Variants in DIP2C observed in about 807,000 individuals in gnomAD.
DIP2C encodes the protein disco-interacting protein 2 homolog C.
In DIP2C, 33 loss-of-function variants were observed where a neutral mutation model predicts 192.4. That is an observed-to-expected ratio of 0.17 (90% CI 0.13 to 0.23). DIP2C has a LOEUF of 0.23. DIP2C is among the 10% of genes least tolerant of loss of function. The pLI, the probability that DIP2C is intolerant of heterozygous loss-of-function variation, is 1.00. For missense variants in DIP2C, 1,537 were observed against 2,110.1 expected, an observed-to-expected ratio of 0.73 and a Z score of 5.32; for synonymous variants, 979 against 864.1, an observed-to-expected ratio of 1.13 and a Z score of -2.33.
At chr10:675,330 T>TA (rs752473223) in intron 1 of DIP2C, among the ~76,000 whole-genome samples, 10 of 151,368 alleles carry the variant, frequency 6.6e-5, no homozygotes, top group Admixed American at 2.0e-4. Context: ...ACTCCTACAT[T>TA]AAAAAAAAGA....
In DIP2C at chr10:286,151, C is replaced by G. The variant is rs1028135302; in HGVS notation, c.4119+122G>C. The G allele has an allele frequency of 1.6e-5, 14 of 864,686 alleles. No individual in the cohort carries two copies. The African/African-American group carries it at 2.2e-4, about 13-fold the overall frequency. 53.6% of individuals were successfully genotyped at this position (864,686 alleles called of 1,614,324 possible). A position where few individuals can be genotyped will look rare whatever the true frequency, so the allele number is the denominator to read the frequency against. Reference sequence around the variant, plus strand: ...CACGCTATTTCCCAGGCAATCATAACTCACTCAGCTCAAACCGGTGTGTGG... The same window carrying G: ...CACGCTATTTCCCAGGCAATCATAAGTCACTCAGCTCAAACCGGTGTGTGG... On this transcript the variant is annotated intron_variant, in intron 34 of 36. Transcript: ENST00000280886.
At chr10:595,101 G>C (rs1285186395) in intron 1 of DIP2C, among the ~76,000 whole-genome samples, 1 of 152,210 alleles carries the variant, frequency 6.6e-6, no homozygotes, top group Non-Finnish European at 1.5e-5. Flanking sequence ...GGGCACTCGG[G>C]ACAAGAGGTA....
intron 1 of DIP2C, among the ~76,000 whole-genome samples, chr10:638,322 A>G (rs1466817532): frequency 5.3e-5 from 8 of 152,238 alleles, no homozygotes; most frequent in African/African-American, 1.9e-4. Flanking sequence ...TGAATTTTTA[A>G]AATTTATGAA....
At chr10:616,052 G>T (rs922738062) in intron 1 of DIP2C, among the ~76,000 whole-genome samples, 3 of 152,168 alleles carry the variant, frequency 2.0e-5, no homozygotes, top group Non-Finnish European at 4.4e-5. Flanking sequence ...GCTGAGAAAG[G>T]CTGGGGCAGA....
At chr10:512,236 G>GT (rs1846064408) in intron 1 of DIP2C, among the ~76,000 whole-genome samples, 1 of 152,078 alleles carries the variant, frequency 6.6e-6, no homozygotes. Flanking sequence ...AGGTTGAAGC[G>GT]TTTTTTAAAG....
At chr10:388,901 G>A (rs753688222) in intron 13 of DIP2C, among the ~76,000 whole-genome samples, 10 of 152,140 alleles carry the variant, frequency 6.6e-5, no homozygotes, top group African/African-American at 1.4e-4. Context: ...GGGGGTCTCC[G>A]GAGGGGGTCT....
chr10:337,261 T>C (rs62638887), intron 29 of DIP2C, among the ~76,000 whole-genome samples: 28 of 3,866 alleles, frequency 7.2e-3, no homozygotes, highest in Admixed American at 0.01. Context: ...TGTGGAGGCC[T>C]AGGCTGATGT....
chr10:686,747 A>G (rs1257967480), intron 1 of DIP2C, among the ~76,000 whole-genome samples: 1 of 152,250 alleles, frequency 6.6e-6, no homozygotes, highest in Non-Finnish European at 1.5e-5. Context: ...CAGTGGAAGA[A>G]GGATGGAGCC....
chr10:331,309 A>G (rs1029571878), intron 29 of DIP2C, among the ~76,000 whole-genome samples: 2 of 152,084 alleles, frequency 1.3e-5, no homozygotes, highest in Admixed American at 1.3e-4. Flanking sequence ...TTCAAACGGG[A>G]CCCTTAGTAT....
At chr10:335,007 T>G (rs1957691448) in intron 29 of DIP2C, among the ~76,000 whole-genome samples, 1 of 152,218 alleles carries the variant, frequency 6.6e-6, no homozygotes, top group African/African-American at 2.4e-5. Context: ...GGAATTACAT[T>G]GAACCTATAA....
chr10:296,436 G>A (rs556842328), intron 32 of DIP2C, among the ~76,000 whole-genome samples: 1 of 152,190 alleles, frequency 6.6e-6, no homozygotes, highest in South Asian at 2.1e-4. Flanking sequence ...TTACACTGTT[G>A]GTGGGACTGT....
intron 3 of DIP2C, among the ~76,000 whole-genome samples, chr10:456,437 T>G (rs1250434493): frequency 8.0e-6 from 1 of 125,272 alleles, no homozygotes; most frequent in Non-Finnish European, 1.5e-5. Flanking sequence ...ATGAAAACAC[T>G]CTGCAGTGAG....
chr10:366,242 A>G, intron 19 of DIP2C, 33 bp downstream of exon 19: 1 of 1,607,848 alleles, frequency 6.2e-7, no homozygotes, highest in African/African-American at 1.3e-5. Context: ...GGAGCCACAG[A>G]TGGTGCCCAT....
At chr10:349,670 C>T (rs532206450) in intron 24 of DIP2C, among the ~76,000 whole-genome samples, 2 of 152,278 alleles carry the variant, frequency 1.3e-5, no homozygotes, top group East Asian at 3.9e-4. Context: ...CATTTTCTTC[C>T]AACTAGGTAA....
intron 4 of DIP2C, among the ~76,000 whole-genome samples, chr10:436,993 G>A (rs1967296277): frequency 1.4e-5 from 2 of 144,920 alleles, no homozygotes; most frequent in African/African-American, 5.2e-5. Flanking sequence ...GATGTGGTAG[G>A]GTGGCCATGC....
intron 29 of DIP2C, among the ~76,000 whole-genome samples, chr10:339,059 C>T (rs1269296977): frequency 6.6e-6 from 1 of 152,090 alleles, no homozygotes; most frequent in East Asian, 1.9e-4. Context: ...GACACACTCC[C>T]CACCCTGCTA....
Position 277,062 on chromosome 10 carries a change from G to T in DIP2C, c.*263C>A, listed in dbSNP as rs555520454. Reference sequence around the variant, plus strand: ...TAATTAAAAAAGAAAGAAAAGAAAAGAAAGTTTTGAAATGGGCTTTTCCAA... The same window carrying T: ...TAATTAAAAAAGAAAGAAAAGAAAATAAAGTTTTGAAATGGGCTTTTCCAA... On this transcript the variant is annotated 3_prime_UTR_variant, in exon 37 of 37. Coordinates refer to ENST00000280886, the MANE Select transcript of DIP2C (RefSeq NM_014974.3). The T allele has an allele frequency of 7.9e-6, 2 of 254,692 alleles. No homozygotes were observed. Among genetic ancestry groups the T allele is most frequent in the African/African-American group, 9.2e-5 (1 of 10,892 alleles). The allele number at this position is 254,692 out of a possible 1,614,324, so 15.8% of individuals were successfully genotyped here.
chr10:524,551 G>C (rs1307496702), intron 1 of DIP2C, among the ~76,000 whole-genome samples: 1 of 152,090 alleles, frequency 6.6e-6, no homozygotes, highest in Non-Finnish European at 1.5e-5. Context: ...CCATAGTTGA[G>C]ATTTCAAATC....
chr10:423,158 C>G, intron 4 of DIP2C, 125 bp from the exon 5 acceptor site: 1 of 925,962 alleles, frequency 1.1e-6, no homozygotes, highest in African/African-American at 1.7e-5. Flanking sequence ...CTTTTTGATA[C>G]ACTCTTGAGA....
Sources: gnomAD v4.1 joint callset for allele counts (sites outside exome capture counted in the v4.1 genomes callset) on GRCh38, gnomAD v4.1.1 for gene constraint, MANE v1.5 for transcripts, NCBI Gene and HGNC (gene_info 2026-07-23, HGNC 2026-07-21) for gene names.